PCSK2: variants seen among roughly 807,000 people sequenced by gnomAD.
PCSK2 encodes the protein neuroendocrine convertase 2.
A neutral mutation model predicts 69.7 loss-of-function variants in PCSK2; 14 were observed. The ratio of observed to expected loss-of-function variants is 0.20; its 90% CI spans 0.13 to 0.31. PCSK2 has a LOEUF of 0.31. Among genes scored for constraint, PCSK2 ranks in the 10% least tolerant of loss-of-function variants. The pLI, the probability that PCSK2 is intolerant of heterozygous loss-of-function variation, is 1.00. For missense variants in PCSK2, 544 were observed against 842.5 expected (o/e 0.65, Z 4.39); for synonymous variants, 307 against 320.7 (o/e 0.96, Z 0.46).
intron 2 of PCSK2, among the ~76,000 whole-genome samples, chr20:17,321,522 T>G (rs1204268788): frequency 2.6e-5 from 4 of 152,250 alleles, no homozygotes; most frequent in African/African-American, 7.2e-5. Context: ...CTTTCCATTT[T>G]GGGGAAAGAC....
chr20:17,230,911 C>T (rs966843427), intron 1 of PCSK2, among the ~76,000 whole-genome samples: 1 of 152,184 alleles, frequency 6.6e-6, no homozygotes, highest in Non-Finnish European at 1.5e-5. Flanking sequence ...CATGACCTGG[C>T]CCTGGCCCAA....
chr20:17,385,530 T>C (rs2031211693), intron 5 of PCSK2, among the ~76,000 whole-genome samples: 1 of 152,244 alleles, frequency 6.6e-6, no homozygotes, highest in Non-Finnish European at 1.5e-5. Flanking sequence ...AATTTGCTTT[T>C]GAGAATGACA....
intron 5 of PCSK2, among the ~76,000 whole-genome samples, chr20:17,395,254 G>A (rs143448025): frequency 6.6e-6 from 1 of 152,290 alleles, no homozygotes; most frequent in East Asian, 1.9e-4. Flanking sequence ...AATTTCGGGG[G>A]TTGGTTTATT....
In PCSK2 at chr20:17,346,620, A is replaced by C. The variant is rs537516405; in HGVS notation, c.283-11707A>C. ...TGCACTTACATCTCAGGAGACACTC[A>C]TTGAGAGGAACATGTCATTTTGGCC... On this transcript the variant is annotated intron_variant, in intron 2 of 11. Coordinates refer to ENST00000262545, the MANE Select transcript of PCSK2 (RefSeq NM_002594.5). Among the ~76,000 whole-genome samples the C allele has an allele frequency of 2.0e-5, 3 of 152,308 alleles. No individual in the cohort carries two copies. In the South Asian group the frequency reaches 6.2e-4, roughly 32 times the overall value.
chr20:17,439,940 G>C (rs536036551), intron 8 of PCSK2, among the ~76,000 whole-genome samples: 40 of 152,254 alleles, frequency 2.6e-4, no homozygotes, highest in Non-Finnish European at 5.0e-4. Context: ...AAGCACATAG[G>C]GCACCAAATG....
At chr20:17,324,294 T>A (rs1398571607) in intron 2 of PCSK2, among the ~76,000 whole-genome samples, 3 of 152,130 alleles carry the variant, frequency 2.0e-5, no homozygotes, top group African/African-American at 7.2e-5. Context: ...TCACCTCCCA[T>A]CTCCAACACC....
chr20:17,467,904 A>G (rs2033128878), intron 11 of PCSK2, among the ~76,000 whole-genome samples: 2 of 152,218 alleles, frequency 1.3e-5, no homozygotes, highest in South Asian at 2.1e-4. Flanking sequence ...GTAATCTCCT[A>G]GAGTTTTTGG....
chr20:17,411,905 G>A (rs527974986), intron 6 of PCSK2, among the ~76,000 whole-genome samples: 11 of 152,320 alleles, frequency 7.2e-5, no homozygotes, highest in South Asian at 4.1e-4. Context: ...ACAGGGTCTG[G>A]AGTGGGCCTC....
At chr20:17,382,328 G>C (rs1209254924) in intron 5 of PCSK2, among the ~76,000 whole-genome samples, 1 of 152,156 alleles carries the variant, frequency 6.6e-6, no homozygotes, top group Non-Finnish European at 1.5e-5. Context: ...AGTGAAGTGG[G>C]TACTTTCTTA....
At chr20:17,392,280 T>A (rs982280800) in intron 5 of PCSK2, among the ~76,000 whole-genome samples, 21 of 152,160 alleles carry the variant, frequency 1.4e-4, no homozygotes, top group Non-Finnish European at 2.6e-4. Context: ...ACCTGCCCAG[T>A]GGTCATTTTA....
chr20:17,453,655 G>A lies in PCSK2; in HGVS notation c.886-87G>A, dbSNP rs1415729050. ...CCAGTCTTTAGGTTCAACTGCTGAAGAAGCCCAACCCCTGGGCTGGAGACC... is the reference window on the plus strand; with the variant it reads ...CCAGTCTTTAGGTTCAACTGCTGAAAAAGCCCAACCCCTGGGCTGGAGACC... On this transcript the variant is annotated intron_variant, in intron 8 of 11. Coordinates refer to ENST00000262545, the MANE Select transcript of PCSK2 (RefSeq NM_002594.5). The surrounding 1 kb of genome is among the most constrained non-coding windows in gnomAD (Gnocchi z 4.0). 3 of 1,453,322 alleles carry A rather than the reference G, an allele frequency of 2.1e-6. No individual in the cohort carries two copies. The South Asian group carries it at 3.5e-5, about 17-fold the overall frequency. 90.0% of individuals were successfully genotyped at this position (1,453,322 alleles called of 1,614,324 possible).
intron 1 of PCSK2, among the ~76,000 whole-genome samples, chr20:17,236,249 A>T (rs1281429387): frequency 6.6e-6 from 1 of 152,142 alleles, no homozygotes; most frequent in East Asian, 1.9e-4. Context: ...AAAGAAAACT[A>T]TGGAAATTGT....
chr20:17,481,532 G>T, intron 11 of PCSK2, 52 bp from the exon 12 acceptor site: 1 of 1,565,096 alleles, frequency 6.4e-7, no homozygotes, highest in Non-Finnish European at 8.7e-7. Flanking sequence ...AAAATCCCTT[G>T]TAAGGTGCAC....
intron 6 of PCSK2, among the ~76,000 whole-genome samples, chr20:17,417,070 T>C (rs1301237401): frequency 5.9e-5 from 9 of 152,242 alleles, no homozygotes; most frequent in Non-Finnish European, 1.2e-4. Context: ...AAATACCTCA[T>C]GTAAATGACA....
chr20:17,481,531 T>A (rs1244546659), intron 11 of PCSK2, 53 bp from the exon 12 acceptor site: 36 of 1,563,884 alleles, frequency 2.3e-5, no homozygotes, highest in Non-Finnish European at 3.0e-5. Context: ...CAAAATCCCT[T>A]GTAAGGTGCA....
intron 2 of PCSK2, among the ~76,000 whole-genome samples, chr20:17,328,702 A>G (rs1053199489): frequency 5.9e-5 from 9 of 152,162 alleles, no homozygotes; most frequent in Non-Finnish European, 1.5e-5. Context: ...CTAATGCCCT[A>G]TTTTACTTGC....
chr20:17,431,433 G>A (rs1249668244), intron 7 of PCSK2, among the ~76,000 whole-genome samples: 1 of 152,208 alleles, frequency 6.6e-6, no homozygotes, highest in African/African-American at 2.4e-5. Flanking sequence ...GGGTGCAGCA[G>A]CCTCTGCCTC....
At chr20:17,304,979 G>T (rs1486083837) in intron 2 of PCSK2, among the ~76,000 whole-genome samples, 2 of 152,050 alleles carry the variant, frequency 1.3e-5, no homozygotes, top group Non-Finnish European at 2.9e-5. Flanking sequence ...GCTCCTCCCA[G>T]CTCTCTCTCC....
intron 2 of PCSK2, among the ~76,000 whole-genome samples, chr20:17,335,427 T>TTGTGTGTGTGTGTGTGTGTGTGTGTG (rs56275148): frequency 2.1e-4 from 29 of 139,192 alleles, no homozygotes; most frequent in Non-Finnish European, 2.8e-4. Context: ...CAGCATCACT[T>TTGTGTGTGTGTGTGTGTGTGTGTGTG]TGTGTGTGTG....
Sources: gnomAD v4.1 joint callset for allele counts (sites outside exome capture counted in the v4.1 genomes callset) on GRCh38, gnomAD v4.1.1 for gene constraint, Gnocchi (gnomAD v3.1) non-coding constraint, MANE v1.5 for transcripts, NCBI Gene and HGNC (gene_info 2026-07-23, HGNC 2026-07-21) for gene names.